OR6J1: variants seen among roughly 807,000 people sequenced by gnomAD.
The protein encoded by OR6J1 is olfactory receptor family 6 subfamily J member 1, also known as olfactory receptor 6J1.
For synonymous variants in OR6J1, 109 were observed against 70.0 expected (o/e 1.56, Z -2.78); for missense variants, 304 against 166.8 (o/e 1.82, Z -4.53).
intron 1 of OR6J1, among the ~76,000 whole-genome samples, chr14:22,640,485 A>ATTT (rs1299631664): frequency 7.6e-5 from 9 of 118,026 alleles, no homozygotes; most frequent in African/African-American, 1.7e-4. Context: ...GTGAGAATGT[A>ATTT]TTTTTTTTTT....
At chr14:22,641,441 AAG>A (rs565037273) in intron 1 of OR6J1, among the ~76,000 whole-genome samples, 36 of 84,682 alleles carry the variant, frequency 4.3e-4, no homozygotes, top group Non-Finnish European at 7.2e-4. Flanking sequence ...GAAAGAATGA[AAG>A]AGAGAGAAAG....
rs66727569 is a variant in OR6J1, at chr14:22,632,264, A to G, written c.*1504T>C. On this transcript the variant is annotated 3_prime_UTR_variant, in exon 2 of 2. Transcript: ENST00000540461. ...TGGGCACCAAGAATTCAGACTAGGAATGCAGTTAAAAACAGATTCTTGGCT... is the reference window on the plus strand; with the variant it reads ...TGGGCACCAAGAATTCAGACTAGGAGTGCAGTTAAAAACAGATTCTTGGCT... The G allele has an allele frequency of 0.23, 34,210 of 150,694 alleles. 4,410 individuals are homozygous for G. The highest frequency in any genetic ancestry group is 0.31 in the African/African-American group (12,786 of 40,762). 9.3% of individuals were successfully genotyped at this position (150,694 alleles called of 1,614,324 possible).
rs1242259331 is a variant in OR6J1, at chr14:22,637,158, A to G, written c.-27-2320T>C. ...GCCCGGCCGCCCTGTCTGAGAAGTG[A>G]GGAAACCCTCTGCCTGGCAACCGCC... is the stretch of plus-strand genomic sequence containing the variant. On this transcript the variant is annotated intron_variant, in intron 1 of 1. Transcript: ENST00000540461. Among the ~76,000 whole-genome samples the G allele has an allele frequency of 1.8e-5, 2 of 110,158 alleles. 1 individual carries two copies. The highest frequency in any genetic ancestry group is 1.6e-4 in the Admixed American group (2 of 12,854). 72.3% of individuals were successfully genotyped at this position (110,158 alleles called of 152,430 possible). A position where few individuals can be genotyped will look rare whatever the true frequency, so the allele number is the denominator to read the frequency against.
At chr14:22,641,564 GAAAA>G (rs797030311) in intron 1 of OR6J1, among the ~76,000 whole-genome samples, 1 of 96,134 alleles carries the variant, frequency 1.0e-5, no homozygotes, top group South Asian at 3.4e-4. Context: ...TAAAGAAAAA[GAAAA>G]AAGAAAGAAG....
rs1016715275 is a variant in OR6J1 at position 22,633,954 on chromosome 14, G to A, written c.858C>T (p.Pro286=). ...LSSVVTPFLN[P]FIYTLRNDTV... ...TGTCATTCCTCAGAGTATATATAAA[G>A]GGGTTGAGGAATGGAGTCACCACAC... is the stretch of plus-strand genomic sequence containing the variant. Residue 286 remains proline (P), a synonymous_variant, in exon 2 of 2, where the codon CCC becomes CCT. Coordinates refer to ENST00000540461, the MANE Select transcript of OR6J1 (RefSeq NM_001348233.2). 2 of 702,896 alleles carry A rather than the reference G, an allele frequency of 2.8e-6. No homozygotes were observed. The allele number at this position is 702,896 out of a possible 1,614,324, so 43.5% of individuals were successfully genotyped here. A position where few individuals can be genotyped will look rare whatever the true frequency, so the allele number is the denominator to read the frequency against.
chr14:22,634,442 T>C lies in OR6J1; in HGVS notation c.370A>G (p.Thr124Ala), dbSNP rs3751482. 0.2 allele frequency: 142,572 copies of C among 702,976 alleles called. 15,547 individuals are homozygous for C. The highest frequency in any genetic ancestry group is 0.32 in the African/African-American group (18,412 of 57,170). The allele number at this position is 702,976 out of a possible 1,614,324, so 43.5% of individuals were successfully genotyped here. The change falls in exon 2 of 2, where the codon ACC becomes GCC. Residue 124 changes from threonine to alanine, a missense_variant. Thr to Ala is a moderately conservative substitution (Grantham distance 58, BLOSUM62 0). Transcript: ENST00000540461. ...GTGTACCGCAGGGGGCAGCAGATGGTGGCATAACGGTCATAGGACATGACC... is the reference window on the plus strand; with the variant it reads ...GTGTACCGCAGGGGGCAGCAGATGGCGGCATAACGGTCATAGGACATGACC... ...LTVMSYDRYA[T>A]ICCPLRYTTI...
chr14:22,637,630 A>G (rs1490135643), intron 1 of OR6J1, among the ~76,000 whole-genome samples: 8 of 53,104 alleles, frequency 1.5e-4, no homozygotes, highest in Non-Finnish European at 1.8e-4. Flanking sequence ...TCCGGGAGGG[A>G]GGTGGGGGGG....
At chr14:22,635,726 C>T (rs2037578910) in intron 1 of OR6J1, among the ~76,000 whole-genome samples, 1 of 152,298 alleles carries the variant, frequency 6.6e-6, no homozygotes, top group South Asian at 2.1e-4. Context: ...GAAGCTGGTA[C>T]TGCTGCTTGT....
Position 22,632,854 on chromosome 14 carries a change from C to G in OR6J1, c.*914G>C, listed in dbSNP as rs996984590. 32 of 152,168 alleles carry G rather than the reference C, an allele frequency of 2.1e-4. No individual in the cohort carries two copies. The highest frequency in any genetic ancestry group is 7.7e-4 in the African/African-American group (32 of 41,430). 9.4% of individuals were successfully genotyped at this position (152,168 alleles called of 1,614,324 possible). On this transcript the variant is annotated 3_prime_UTR_variant, in exon 2 of 2. Transcript: ENST00000540461. ...GTGTTGTGAGTGGGCTGTCATCTCTCTCTTCTCTGTTTTTCTCTATACATC... is the reference window on the plus strand; with the variant it reads ...GTGTTGTGAGTGGGCTGTCATCTCTGTCTTCTCTGTTTTTCTCTATACATC...
intron 1 of OR6J1, among the ~76,000 whole-genome samples, chr14:22,638,658 T>TAAAAAAAAAAAA: frequency 2.7e-5 from 1 of 36,544 alleles, no homozygotes; most frequent in Non-Finnish European, 5.1e-5. Flanking sequence ...ATAAAAAAAA[T>TAAAAAAAAAAAA]AAAAATAAAA....
intron 1 of OR6J1, among the ~76,000 whole-genome samples, chr14:22,638,970 C>A (rs1181684529): frequency 1.7e-5 from 2 of 115,816 alleles, no homozygotes; most frequent in Non-Finnish European, 1.7e-5. Context: ...CGCCTCTGCC[C>A]CGCCGCCCCA....
chr14:22,641,210 T>TAAAAAAAGAAAGA lies in OR6J1; in HGVS notation c.-28+2887_-28+2888insTCTTTCTTTTTTT, dbSNP rs1163938326. 2.4e-5 allele frequency among the ~76,000 whole-genome samples: 3 copies of TAAAAAAAGAAAGA among 122,480 alleles called. 1 individual carries two copies. Among genetic ancestry groups the TAAAAAAAGAAAGA allele is most frequent in the African/African-American group, 9.4e-5 (3 of 32,056 alleles). The allele number at this position is 122,480 out of a possible 152,430, so 80.4% of individuals were successfully genotyped here. A position where few individuals can be genotyped will look rare whatever the true frequency, so the allele number is the denominator to read the frequency against. On this transcript the variant is annotated intron_variant, in intron 1 of 1. Transcript: ENST00000540461. The stretch of plus-strand genomic sequence containing the variant: ...AGAGAGACAGAGAGGGAGAGAAAGA[T>TAAAAAAAGAAAGA]AAGAAAGAAAGAAAGAAAGAAAGAA...
intron 1 of OR6J1, among the ~76,000 whole-genome samples, chr14:22,641,427 GA>G (rs1471708549): frequency 8.2e-5 from 6 of 73,348 alleles, no homozygotes; most frequent in African/African-American, 4.5e-4. Flanking sequence ...GGAAGAGAAA[GA>G]AAGAAAGAAT....
Position 22,638,683 on chromosome 14 carries a change from ATT to A in OR6J1, c.-27-3847_-27-3846del, listed in dbSNP as rs201972920. Reference sequence around the variant, plus strand: ...TAAAAATAAAAAAAAAATAAAAAAAATTAAGACACTAGCAAGATACCATTTTA... The same window carrying A: ...TAAAAATAAAAAAAAAATAAAAAAAAAAGACACTAGCAAGATACCATTTTA... On this transcript the variant is annotated intron_variant, in intron 1 of 1. Transcript: ENST00000540461. Among the ~76,000 whole-genome samples, 1,046 of 142,136 alleles carry A rather than the reference ATT, an allele frequency of 7.4e-3. 106 individuals are homozygous for A. Among genetic ancestry groups the A allele is most frequent in the African/African-American group, 0.029 (972 of 33,024 alleles). The allele number at this position is 142,136 out of a possible 152,430, so 93.2% of individuals were successfully genotyped here.
chr14:22,641,262 A>AAGG (rs2037645804), intron 1 of OR6J1, among the ~76,000 whole-genome samples: 1 of 111,406 alleles, frequency 9.0e-6, no homozygotes, highest in African/African-American at 3.3e-5. Flanking sequence ...AGAAAGAAAG[A>AAGG]AAGAAAGGAA....
chr14:22,642,354 T>TATATATATATATATATATATATA (rs56410146), intron 1 of OR6J1, among the ~76,000 whole-genome samples: 13 of 137,798 alleles, frequency 9.4e-5, no homozygotes, highest in Non-Finnish European at 1.2e-4. Context: ...TATATATATA[T>TATATATATATATATATATATATA]TTGAGATGGA....
chr14:22,634,792 G>A lies in OR6J1; in HGVS notation c.20C>T (p.Ala7Val), dbSNP rs142556971. 3.0e-4 allele frequency: 207 copies of A among 693,814 alleles called. 1 individual carries two copies. The East Asian group carries it at 4.5e-3, about 15-fold the overall frequency. The allele number at this position is 693,814 out of a possible 1,614,324, so 43.0% of individuals were successfully genotyped here. MGNWTA[A>V]VTEFVLLGFS... The stretch of plus-strand genomic sequence containing the variant: ...CCCCAGCAGAACAAACTCAGTCACC[G>A]CTGCAGTCCAGTTACCCATGGGCCT... Residue 7 changes from alanine (A) to valine (V), a missense_variant, in exon 2 of 2, where the codon GCG (alanine) becomes GTG (valine). Transcript: ENST00000540461.
In OR6J1 at chr14:22,632,698, T is replaced by A. The variant is rs541835840; in HGVS notation, c.*1070A>T. 1 of 152,176 alleles carries A rather than the reference T, an allele frequency of 6.6e-6. No individual in the cohort carries two copies. Among genetic ancestry groups the A allele is most frequent in the South Asian group, 2.1e-4 (1 of 4,832 alleles). The allele number at this position is 152,176 out of a possible 1,614,324, so 9.4% of individuals were successfully genotyped here. On this transcript the variant is annotated 3_prime_UTR_variant, in exon 2 of 2. Transcript: ENST00000540461. ...ACAAGAATCTAAGACCTTCTCAAGA[T>A]AGCTCAATAAAAAGGGATTTCATTT...
At position 22,631,348 on chromosome 14, in the gene OR6J1, C is replaced by G. The variant is rs911761931; in HGVS notation, c.*2420G>C. 6.6e-6 allele frequency: 1 copy of G among 152,158 alleles called. No homozygotes were observed. Among genetic ancestry groups the G allele is most frequent in the East Asian group, 1.9e-4 (1 of 5,194 alleles). 9.4% of individuals were successfully genotyped at this position (152,158 alleles called of 1,614,324 possible). On this transcript the variant is annotated 3_prime_UTR_variant, in exon 2 of 2. Coordinates refer to ENST00000540461, the MANE Select transcript of OR6J1 (RefSeq NM_001348233.2). Reference sequence around the variant, plus strand: ...ACAGACCATAAAAGACGGGCACGCCCAGGGGGGCCGTCTATAGGACTACAC... The same window carrying G: ...ACAGACCATAAAAGACGGGCACGCCGAGGGGGGCCGTCTATAGGACTACAC...
Sources: allele counts gnomAD v4.1 joint callset (sites outside exome capture counted in the v4.1 genomes callset), GRCh38; gene constraint gnomAD v4.1.1; transcripts MANE v1.5; gene names NCBI Gene and HGNC (gene_info 2026-07-23, HGNC 2026-07-21).